SULT2B1: variants seen among roughly 807,000 people sequenced by gnomAD.
SULT2B1 encodes the protein sulfotransferase 2B1.
In SULT2B1, 16 loss-of-function variants were observed where a neutral mutation model predicts 33.2. The observed-to-expected ratio is 0.48, with a 90% confidence interval of 0.33 to 0.73. The LOEUF is 0.73. SULT2B1 is among the 30% of genes least tolerant of loss of function. SULT2B1 has a pLI of 0.02. For synonymous variants in SULT2B1, 186 were observed against 200.5 expected (o/e 0.93, Z 0.61); for missense variants, 500 against 506.0 (o/e 0.99, Z 0.11).
intron 3 of SULT2B1, among the ~76,000 whole-genome samples, chr19:48,590,236 G>A (rs943113991): frequency 1.9e-4 from 29 of 151,748 alleles, no homozygotes; most frequent in African/African-American, 5.3e-4. Context: ...TGATCCACCC[G>A]CCTTAGCCTC....
intron 2 of SULT2B1, among the ~76,000 whole-genome samples, chr19:48,584,958 A>G (rs1295418872): frequency 6.8e-6 from 1 of 147,220 alleles, no homozygotes. Flanking sequence ...CTGAGGCAGG[A>G]GAATTGCTTG....
chr19:48,583,875 A>T (rs1973527297), intron 2 of SULT2B1, among the ~76,000 whole-genome samples: 2 of 151,880 alleles, frequency 1.3e-5, no homozygotes, highest in African/African-American at 4.8e-5. Context: ...GCACTTTGGG[A>T]GGCTGAGGCA....
chr19:48,592,622 T>C, intron 4 of SULT2B1, 100 bp from the exon 5 acceptor site: 1 of 1,016,902 alleles, frequency 9.8e-7, no homozygotes, highest in African/African-American at 1.6e-5. Context: ...GGGCTGGACC[T>C]GGGGGTTTGT....
At chr19:48,564,025 C>A (rs979714185) in intron 1 of SULT2B1, among the ~76,000 whole-genome samples, 1 of 150,892 alleles carries the variant, frequency 6.6e-6, no homozygotes. Context: ...GGGTTGATCA[C>A]GAAGTCAGGA....
At chr19:48,557,228 A>G (rs73575876) in intron 1 of SULT2B1, among the ~76,000 whole-genome samples, 8,707 of 152,210 alleles carry the variant, frequency 0.057, 757 homozygotes, top group African/African-American at 0.19. Context: ...TATGGGGTTC[A>G]TTATGAATTA....
At chr19:48,563,585 A>G (rs1043890203) in intron 1 of SULT2B1, among the ~76,000 whole-genome samples, 4 of 152,212 alleles carry the variant, frequency 2.6e-5, no homozygotes, top group African/African-American at 9.6e-5. Flanking sequence ...GTTCCAGAAC[A>G]TGCAAGACTG....
intron 2 of SULT2B1, among the ~76,000 whole-genome samples, chr19:48,584,619 A>C (rs1973539401): frequency 6.6e-6 from 1 of 152,216 alleles, no homozygotes; most frequent in African/African-American, 2.4e-5. Flanking sequence ...AAATCCAGTG[A>C]ATGGATTGGA....
intron 4 of SULT2B1, 42 bp downstream of exon 4, chr19:48,591,777 C>A: frequency 2.6e-6 from 4 of 1,521,952 alleles, no homozygotes; most frequent in Middle Eastern, 1.7e-4. Flanking sequence ...TGGGGAGGAG[C>A]CCCAGAGGAC....
chr19:48,589,322 G>A (rs933004346), intron 3 of SULT2B1, among the ~76,000 whole-genome samples: 2 of 152,124 alleles, frequency 1.3e-5, no homozygotes, highest in East Asian at 1.9e-4. Context: ...GGAGGAGGGA[G>A]GGGAGCAGGC....
intron 2 of SULT2B1, among the ~76,000 whole-genome samples, chr19:48,577,863 A>G (rs1294721332): frequency 6.6e-6 from 1 of 152,194 alleles, no homozygotes; most frequent in Non-Finnish European, 1.5e-5. Context: ...GCAACCCAGA[A>G]AATAAATCAA....
intron 1 of SULT2B1, among the ~76,000 whole-genome samples, chr19:48,566,632 G>A (rs989938829): frequency 3.3e-5 from 5 of 151,468 alleles, no homozygotes; most frequent in East Asian, 1.9e-4. Flanking sequence ...GCTTGAGCTC[G>A]GGAGTTCCAG....
At chr19:48,594,736 T>C (rs1366582036) in intron 5 of SULT2B1, among the ~76,000 whole-genome samples, 2 of 152,112 alleles carry the variant, frequency 1.3e-5, no homozygotes, top group African/African-American at 4.8e-5. Flanking sequence ...AAGGTAGTGA[T>C]GGCCGGGCAT....
At chr19:48,570,724 GT>G (rs1568406323) in intron 1 of SULT2B1, among the ~76,000 whole-genome samples, 1 of 39,738 alleles carries the variant, frequency 2.5e-5, no homozygotes, top group African/African-American at 1.2e-4. Context: ...TTCCGTTTTT[GT>G]TTTTGTTTTT....
In SULT2B1 at chr19:48,567,422, C is replaced by T. The variant is rs535457968; in HGVS notation, c.72-8519C>T. On this transcript the variant is annotated intron_variant, in intron 1 of 6. Coordinates refer to ENST00000201586, the MANE Select transcript of SULT2B1 (RefSeq NM_177973.2). ...ACTAAAAATACAAAAATTAGCCAGG[C>T]GTGGTGGTGCACGCCTGTAATCTCA... is the stretch of plus-strand genomic sequence containing the variant. 2.6e-5 allele frequency among the ~76,000 whole-genome samples: 4 copies of T among 152,132 alleles called. No individual in the cohort carries two copies. In the East Asian group the frequency reaches 7.7e-4, roughly 29 times the overall value.
At chr19:48,597,849 T>A (rs1973741609) in intron 6 of SULT2B1, among the ~76,000 whole-genome samples, 1 of 151,372 alleles carries the variant, frequency 6.6e-6, no homozygotes, top group South Asian at 2.1e-4. Flanking sequence ...TTCACCGTGT[T>A]AGCCAGGATG....
At position 48,599,287 on chromosome 19, in the gene SULT2B1, C is replaced by T. The variant is rs1973767005; in HGVS notation, c.979C>T (p.Pro327Ser). 3.1e-6 allele frequency: 5 copies of T among 1,610,574 alleles called. No individual in the cohort carries two copies. Among genetic ancestry groups the T allele is most frequent in the African/African-American group, 1.3e-5 (1 of 74,856 alleles). ...GSPDPEPSPE[P>S]EPKPSLEPNT... The stretch of plus-strand genomic sequence containing the variant: ...CCCAGATCCTGAGCCCAGCCCTGAG[C>T]CTGAGCCCAAGCCCAGCCTTGAGCC... Residue 327 changes from proline to serine, a missense_variant, in exon 7 of 7, where the codon CCT (proline) becomes TCT (serine). By Grantham distance (74) the Pro-to-Ser change is moderately conservative. Transcript: ENST00000201586. This position sits in a 1 kb window ranked among gnomAD's most constrained non-coding sequence, Gnocchi z 4.1.
intron 2 of SULT2B1, among the ~76,000 whole-genome samples, chr19:48,586,335 AG>A (rs1458078383): frequency 6.6e-6 from 1 of 152,204 alleles, no homozygotes; most frequent in East Asian, 1.9e-4. Context: ...TGGTGCAGGA[AG>A]GGTGGAAGGA....
At chr19:48,596,953 C>T in intron 6 of SULT2B1, 34 bp downstream of exon 6, 1 of 1,537,440 alleles carries the variant, frequency 6.5e-7, no homozygotes, top group Non-Finnish European at 8.7e-7. Context: ...GCCCACTAGG[C>T]CACTGCCCGG....
intron 1 of SULT2B1, among the ~76,000 whole-genome samples, chr19:48,553,910 G>C (rs186030220): frequency 6.6e-6 from 1 of 152,120 alleles, no homozygotes; most frequent in Non-Finnish European, 1.5e-5. Flanking sequence ...AAGCCAGCTC[G>C]CCTCCAGGGT....
Sources: allele counts gnomAD v4.1 joint callset (sites outside exome capture counted in the v4.1 genomes callset), GRCh38; gene constraint gnomAD v4.1.1; non-coding constraint Gnocchi (gnomAD v3.1); transcripts MANE v1.5; gene names NCBI Gene and HGNC (gene_info 2026-07-23, HGNC 2026-07-21).